The following TEC variants were observed in gnomAD, a reference collection of about 807,000 sequenced individuals.
TEC encodes the protein tec protein tyrosine kinase.
Under a neutral mutation model 93.0 loss-of-function variants are expected in TEC, and 72 were observed. The observed-to-expected ratio is 0.77, with a 90% confidence interval of 0.64 to 0.94. The LOEUF (loss-of-function observed/expected upper bound fraction) is 0.94. Among genes scored for constraint, TEC ranks in the 40% least tolerant of loss-of-function variants. The probability of loss-of-function intolerance (pLI) is 0.00; values close to 1 mark genes in which losing one functional copy is unlikely to be tolerated. For synonymous variants in TEC, 249 were observed against 247.7 expected (o/e 1.01, Z -0.05); for missense variants, 630 against 757.9 (o/e 0.83, Z 1.98).
In TEC at chr4:48,149,653, C is replaced by T; in HGVS notation, c.910G>A (p.Glu304Lys). 1.9e-6 allele frequency: 3 copies of T among 1,611,706 alleles called. No individual in the cohort carries two copies. Among genetic ancestry groups the T allele is most frequent in the Non-Finnish European group, 2.5e-6 (3 of 1,179,264 alleles). The change falls in exon 11 of 18, where the codon GAA becomes AAA. Residue 304 changes from glutamate (E) to lysine (K), a missense_variant. Glu to Lys is a moderately conservative substitution (Grantham distance 56, BLOSUM62 1). Around this residue, in one of 3 missense-constraint regions of TEC, gnomAD observed 335 missense variants for 351.5 expected, o/e 0.95. Transcript: ENST00000381501. ...TACTTCTTTGGAGATGTTGTTGTTT[C>T]CTTTATATGATAATGCCTAAAACCC... is the stretch of plus-strand genomic sequence containing the variant. Reference protein sequence around the residue: ...SSGFRHYHIKETTTSPKKYYL... With the variant: ...SSGFRHYHIKKTTTSPKKYYL...
chr4:48,175,530 CTG>C (rs1721287213), intron 3 of TEC, among the ~76,000 whole-genome samples: 1 of 152,182 alleles, frequency 6.6e-6, no homozygotes, highest in East Asian at 1.9e-4. Context: ...AACCAAGATA[CTG>C]GCAGGAATGC....
intron 2 of TEC, among the ~76,000 whole-genome samples, chr4:48,227,502 G>A (rs1289703594): frequency 1.3e-5 from 2 of 152,074 alleles, no homozygotes; most frequent in South Asian, 2.1e-4. Flanking sequence ...AATTAGCCGA[G>A]TGCGGTGGCA....
chr4:48,175,977 T>G lies in TEC; in HGVS notation c.243+105A>C. 3 of 772,036 alleles carry G rather than the reference T, an allele frequency of 3.9e-6. No individual in the cohort carries two copies. In the South Asian group the frequency reaches 5.2e-5, roughly 13 times the overall value. 47.8% of individuals were successfully genotyped at this position (772,036 alleles called of 1,614,324 possible). ...AAGTCACAACTATTAAAGTGGCAAA[T>G]GAACCTACAAATCAGCCAGCAAAGC... On this transcript the variant is annotated intron_variant, in intron 3 of 17. Transcript: ENST00000381501.
chr4:48,147,270 A>C (rs1224464865), intron 11 of TEC, among the ~76,000 whole-genome samples: 1 of 152,240 alleles, frequency 6.6e-6, no homozygotes, highest in Non-Finnish European at 1.5e-5. Context: ...ATAACTAGGT[A>C]AATACCCAAA....
At chr4:48,236,001 T>C (rs542261531) in intron 1 of TEC, among the ~76,000 whole-genome samples, 18 of 152,124 alleles carry the variant, frequency 1.2e-4, no homozygotes, top group Admixed American at 9.8e-4. Flanking sequence ...GAAGGTGGAA[T>C]GGAAGGAAAA....
intron 1 of TEC, among the ~76,000 whole-genome samples, chr4:48,268,875 T>G (rs1183454471): frequency 1.3e-5 from 2 of 152,226 alleles, no homozygotes; most frequent in Non-Finnish European, 2.9e-5. Context: ...AATATTCCAG[T>G]TTCCAAAGAA....
At chr4:48,256,271 C>T (rs781277346) in intron 1 of TEC, among the ~76,000 whole-genome samples, 3 of 151,966 alleles carry the variant, frequency 2.0e-5, no homozygotes, top group Non-Finnish European at 4.4e-5. Context: ...CTACAATCCA[C>T]CGCCCACCCT....
chr4:48,265,436 C>CGT (rs1397089279), intron 1 of TEC, among the ~76,000 whole-genome samples: 6 of 71,222 alleles, frequency 8.4e-5, no homozygotes, highest in African/African-American at 2.4e-4. Context: ...TACACACACA[C>CGT]ATATATACGT....
intron 1 of TEC, among the ~76,000 whole-genome samples, chr4:48,236,351 G>A (rs747931178): frequency 6.6e-6 from 1 of 151,294 alleles, no homozygotes; most frequent in African/African-American, 2.4e-5. Context: ...GCGCAATCTC[G>A]GCTCATGGCA....
intron 1 of TEC, among the ~76,000 whole-genome samples, chr4:48,263,308 T>C (rs1213571867): frequency 6.6e-6 from 1 of 152,182 alleles, no homozygotes; most frequent in Non-Finnish European, 1.5e-5. Context: ...ACCAATCCCA[T>C]CTTTCAGATT....
intron 2 of TEC, among the ~76,000 whole-genome samples, chr4:48,179,332 T>G (rs1721461531): frequency 1.6e-5 from 2 of 124,562 alleles, no homozygotes; most frequent in Non-Finnish European, 3.2e-5. Context: ...TGTAATGACG[T>G]GGGTAGTATA....
intron 12 of TEC, 149 bp from the exon 13 acceptor site, chr4:48,145,728 A>T: frequency 1.1e-6 from 1 of 898,478 alleles, no homozygotes; most frequent in Non-Finnish European, 1.7e-6. Context: ...AACAGACTTG[A>T]AACCTGCATC....
At chr4:48,200,030 A>G (rs1325267849) in intron 2 of TEC, among the ~76,000 whole-genome samples, 1 of 152,230 alleles carries the variant, frequency 6.6e-6, no homozygotes, top group Non-Finnish European at 1.5e-5. Context: ...GTATTAAAAT[A>G]AAATAGAGAT....
intron 2 of TEC, among the ~76,000 whole-genome samples, chr4:48,186,213 C>A (rs565678077): frequency 6.6e-6 from 1 of 152,342 alleles, no homozygotes; most frequent in East Asian, 1.9e-4. Flanking sequence ...GTTACAACCT[C>A]CACCTCCCAG....
chr4:48,260,188 C>A (rs1724463190), intron 1 of TEC, among the ~76,000 whole-genome samples: 1 of 152,172 alleles, frequency 6.6e-6, no homozygotes, highest in South Asian at 2.1e-4. Flanking sequence ...CTTGTCCTCA[C>A]ATAACAGAGA....
At chr4:48,214,105 AC>A (rs1476570024) in intron 2 of TEC, among the ~76,000 whole-genome samples, 2 of 152,242 alleles carry the variant, frequency 1.3e-5, no homozygotes, top group African/African-American at 4.8e-5. Flanking sequence ...ATTACTACCA[AC>A]AAAAACTTTT....
intron 2 of TEC, among the ~76,000 whole-genome samples, chr4:48,197,170 A>G (rs991342676): frequency 1.3e-5 from 2 of 152,194 alleles, no homozygotes; most frequent in Non-Finnish European, 2.9e-5. Flanking sequence ...ATAAACACAC[A>G]ATTTGGTAGC....
chr4:48,193,244 C>A (rs1054579049), intron 2 of TEC, among the ~76,000 whole-genome samples: 2 of 152,008 alleles, frequency 1.3e-5, no homozygotes, highest in Admixed American at 6.6e-5. Flanking sequence ...CCCACCTCAG[C>A]CTCCTGAAGA....
intron 14 of TEC, among the ~76,000 whole-genome samples, chr4:48,142,399 T>C (rs1343021188): frequency 1.3e-5 from 2 of 152,034 alleles, no homozygotes; most frequent in Admixed American, 6.6e-5. Flanking sequence ...CTTGAACCCA[T>C]GAGGTGGAGG....
Sources: gnomAD v4.1 joint callset for allele counts (sites outside exome capture counted in the v4.1 genomes callset) on GRCh38, gnomAD v4.1.1 for gene constraint, gnomAD v4.1.1 regional missense constraint, MANE v1.5 for transcripts, NCBI Gene and HGNC (gene_info 2026-07-23, HGNC 2026-07-21) for gene names.